Variants in POFUT3 observed in about 807,000 individuals in gnomAD.
POFUT3 encodes the protein protein O-fucosyltransferase 3.
the POFUT3 span, among the ~76,000 whole-genome samples, chr8:33,462,365 C>G: frequency 2.0e-5 from 3 of 152,018 alleles, no homozygotes; most frequent in Non-Finnish European, 2.9e-5. Context: ...ATAAAAATTA[C>G]CAGGACTATC....
chr8:33,423,335 C>T, the POFUT3 span, among the ~76,000 whole-genome samples: 2 of 152,010 alleles, frequency 1.3e-5, no homozygotes, highest in African/African-American at 2.4e-5. Flanking sequence ...GTGGCACAGT[C>T]ATAGCTCACT....
chr8:33,440,478 C>A, the POFUT3 span, among the ~76,000 whole-genome samples: 5 of 152,008 alleles, frequency 3.3e-5, no homozygotes, highest in African/African-American at 4.8e-5. Flanking sequence ...GCCACTATAA[C>A]CCCCCCGCAC....
the POFUT3 span, among the ~76,000 whole-genome samples, chr8:33,456,771 CTTTTTTT>C: frequency 8.5e-6 from 1 of 117,318 alleles, no homozygotes; most frequent in African/African-American, 3.3e-5. Context: ...TTTCTTTTTT[CTTTTTTT>C]TTTTTTTTTG....
the POFUT3 span, among the ~76,000 whole-genome samples, chr8:33,317,353 G>A: frequency 1.2e-4 from 19 of 152,058 alleles, no homozygotes; most frequent in Admixed American, 1.2e-3. Flanking sequence ...ATTTATTCTT[G>A]AGGGGTCTGA....
At chr8:33,324,114 C>G in the POFUT3 span, among the ~76,000 whole-genome samples, 1 of 152,168 alleles carries the variant, frequency 6.6e-6, no homozygotes, top group African/African-American at 2.4e-5. Flanking sequence ...GGTTTCCATC[C>G]CAGTCAGCTG....
chr8:33,380,133 T>C, the POFUT3 span, among the ~76,000 whole-genome samples: 1 of 72,510 alleles, frequency 1.4e-5, no homozygotes, highest in Non-Finnish European at 2.3e-5. Flanking sequence ...ACTATATATA[T>C]ATACTATATA....
At chr8:33,343,611 A>G in the POFUT3 span, among the ~76,000 whole-genome samples, 2 of 152,244 alleles carry the variant, frequency 1.3e-5, no homozygotes, top group Non-Finnish European at 2.9e-5. Flanking sequence ...CAAGTTTACT[A>G]TCTCACTTGT....
the POFUT3 span, among the ~76,000 whole-genome samples, chr8:33,397,039 G>T: frequency 6.6e-6 from 1 of 152,266 alleles, no homozygotes; most frequent in South Asian, 2.1e-4. Flanking sequence ...TACAACTATT[G>T]TTAATCACCT....
At chr8:33,328,538 G>A in the POFUT3 span, among the ~76,000 whole-genome samples, 3 of 152,122 alleles carry the variant, frequency 2.0e-5, no homozygotes, top group Admixed American at 1.3e-4. Flanking sequence ...ATGAAGACTG[G>A]TCTCTGGGCA....
At chr8:33,366,156 G>A in the POFUT3 span, among the ~76,000 whole-genome samples, 1 of 152,148 alleles carries the variant, frequency 6.6e-6, no homozygotes, top group Non-Finnish European at 1.5e-5. Flanking sequence ...CTATCACAAG[G>A]ACAGAAAACC....
At chr8:33,328,662 CG>C in the POFUT3 span, among the ~76,000 whole-genome samples, 2,249 of 152,260 alleles carry the variant, frequency 0.015, 52 homozygotes, top group African/African-American at 0.051. Context: ...ACCACCAGCC[CG>C]AAGCCATCCC....
At chr8:33,433,461 A>C in the POFUT3 span, among the ~76,000 whole-genome samples, 1 of 151,530 alleles carries the variant, frequency 6.6e-6, no homozygotes, top group African/African-American at 2.4e-5. Context: ...AAATACAAAA[A>C]ATTAGCCAGG....
chr8:33,352,512 T>G, the POFUT3 span, among the ~76,000 whole-genome samples: 1 of 151,444 alleles, frequency 6.6e-6, no homozygotes, highest in East Asian at 1.9e-4. Flanking sequence ...CCCATTTTTA[T>G]TTTTGATTCT....
At chr8:33,372,293 G>C in the POFUT3 span, 1 of 1,152,734 alleles carries the variant, frequency 8.7e-7, no homozygotes, top group East Asian at 5.2e-5. Flanking sequence ...CACTCTAGGT[G>C]AATTTCCACA....
At chr8:33,363,632 C>T in the POFUT3 span, among the ~76,000 whole-genome samples, 2 of 152,182 alleles carry the variant, frequency 1.3e-5, no homozygotes, top group Non-Finnish European at 1.5e-5. Flanking sequence ...TCAGAGAATA[C>T]TATAAACACC....
At chr8:33,331,393 G>C in the POFUT3 span, among the ~76,000 whole-genome samples, 1 of 151,552 alleles carries the variant, frequency 6.6e-6, no homozygotes, top group Non-Finnish European at 1.5e-5. Flanking sequence ...AGTAGAGAAA[G>C]AGTGATGGAT....
chr8:33,402,078 T>C, the POFUT3 span, among the ~76,000 whole-genome samples: 5 of 152,090 alleles, frequency 3.3e-5, no homozygotes, highest in Non-Finnish European at 5.9e-5. Context: ...TTTTCTAAGT[T>C]AGGTGCATTA....
the POFUT3 span, among the ~76,000 whole-genome samples, chr8:33,388,629 G>C: frequency 6.6e-6 from 1 of 152,078 alleles, no homozygotes; most frequent in South Asian, 2.1e-4. Context: ...GAGCCATCAT[G>C]TGTGGCAAGA....
At chr8:33,322,113 G>C in the POFUT3 span, among the ~76,000 whole-genome samples, 13,782 of 152,112 alleles carry the variant, frequency 0.091, 1,172 homozygotes, top group African/African-American at 0.21. Flanking sequence ...GCTATCATTT[G>C]GTTTCAAGAG....
Sources: allele counts gnomAD v4.1 joint callset (sites outside exome capture counted in the v4.1 genomes callset), GRCh38; gene constraint gnomAD v4.1.1; transcripts MANE v1.5; gene names NCBI Gene and HGNC (gene_info 2026-07-23, HGNC 2026-07-21).